FAF1: variants seen among roughly 807,000 people sequenced by gnomAD.
FAF1 encodes Fas associated factor 1.
FAF1 carries 25 observed loss-of-function variants against 92.5 expected under a neutral mutation model. That is an observed-to-expected ratio of 0.27 (90% CI 0.20 to 0.38). The LOEUF (loss-of-function observed/expected upper bound fraction) is 0.38, where lower values mean the gene tolerates loss of function less well. Among genes scored for constraint, FAF1 ranks in the 10% least tolerant of loss-of-function variants. The probability of loss-of-function intolerance (pLI) is 1.00; values close to 1 mark genes in which losing one functional copy is unlikely to be tolerated. For missense variants in FAF1, 636 were observed against 793.3 expected, an observed-to-expected ratio of 0.80 and a Z score of 2.38; for synonymous variants, 234 against 273.2, an observed-to-expected ratio of 0.86 and a Z score of 1.42.
chr1:50,803,217 A>C (rs895771190), intron 2 of FAF1, among the ~76,000 whole-genome samples: 1 of 152,196 alleles, frequency 6.6e-6, no homozygotes, highest in Admixed American at 6.5e-5. Flanking sequence ...TTTACTAAGT[A>C]ACAGTAAATG....
chr1:50,929,637 T>A (rs1163178636), intron 1 of FAF1, among the ~76,000 whole-genome samples: 1 of 152,172 alleles, frequency 6.6e-6, no homozygotes, highest in African/African-American at 2.4e-5. Context: ...CACACAAGAC[T>A]TTCAGGAAAT....
chr1:50,904,747 T>C (rs546237824), intron 1 of FAF1, among the ~76,000 whole-genome samples: 1 of 152,288 alleles, frequency 6.6e-6, no homozygotes, highest in East Asian at 1.9e-4. Context: ...TACATTTCAC[T>C]TTTCCGTATT....
chr1:50,440,138 C>G lies in FAF1; in HGVS notation c.*1302G>C, dbSNP rs945188744. The G allele has an allele frequency of 6.6e-6, 1 of 152,074 alleles. No homozygotes were observed. The highest frequency in any genetic ancestry group is 1.9e-4 in the East Asian group (1 of 5,194). The allele number at this position is 152,074 out of a possible 1,614,324, so 9.4% of individuals were successfully genotyped here. ...AGTACAAAATGTTAAAATCAGGATC[C>G]CAACCCCTAGGATAAAACCCACAGG... On this transcript the variant is annotated 3_prime_UTR_variant, in exon 19 of 19. Coordinates refer to ENST00000396153, the MANE Select transcript of FAF1 (RefSeq NM_007051.3).
At chr1:50,901,268 A>C (rs1486896633) in intron 1 of FAF1, among the ~76,000 whole-genome samples, 1 of 152,222 alleles carries the variant, frequency 6.6e-6, no homozygotes, top group African/African-American at 2.4e-5. Context: ...AGAGAAAAAG[A>C]CAGAACCCAG....
chr1:50,885,295 T>TTCTCTCTCTCTCTCTCTCTCTCTCTCTC (rs147647466), intron 1 of FAF1, among the ~76,000 whole-genome samples: 11 of 137,402 alleles, frequency 8.0e-5, no homozygotes, highest in African/African-American at 2.3e-4. Flanking sequence ...CCGTGTCTCT[T>TTCTCTCTCTCTCTCTCTCTCTCTCTCTC]TCTCTCTCTC....
chr1:50,645,760 G>A (rs1375643300), intron 8 of FAF1, among the ~76,000 whole-genome samples: 5 of 152,042 alleles, frequency 3.3e-5, no homozygotes, highest in Admixed American at 2.6e-4. Flanking sequence ...CCCAGGAGGC[G>A]GAGGTTGCGG....
chr1:50,700,607 T>C (rs1657426266), intron 7 of FAF1, among the ~76,000 whole-genome samples: 1 of 152,142 alleles, frequency 6.6e-6, no homozygotes, highest in African/African-American at 2.4e-5. Flanking sequence ...ATCTTATGTT[T>C]ATTAGTTTCT....
At chr1:50,825,739 A>C (rs1342862311) in intron 2 of FAF1, among the ~76,000 whole-genome samples, 4 of 152,156 alleles carry the variant, frequency 2.6e-5, no homozygotes, top group Non-Finnish European at 5.9e-5. Flanking sequence ...GTGTACAAAA[A>C]ACATTTACCA....
intron 6 of FAF1, 87 bp from the exon 7 acceptor site, chr1:50,705,978 C>T: frequency 1.4e-6 from 1 of 706,370 alleles, no homozygotes; most frequent in Non-Finnish European, 2.5e-6. Flanking sequence ...CCCAGGAGTA[C>T]CCTAACCTCC....
intron 1 of FAF1, among the ~76,000 whole-genome samples, chr1:50,890,216 A>G (rs1644707347): frequency 6.6e-6 from 1 of 152,116 alleles, no homozygotes; most frequent in African/African-American, 2.4e-5. Flanking sequence ...TTTGCTTGGT[A>G]GATCTTCCTC....
chr1:50,511,029 T>C (rs1377561272), intron 15 of FAF1, among the ~76,000 whole-genome samples: 2 of 152,328 alleles, frequency 1.3e-5, no homozygotes, highest in Non-Finnish European at 2.9e-5. Context: ...ATTTCTTGTC[T>C]TCCTAGATTA....
chr1:50,872,984 G>A (rs916767856), intron 1 of FAF1, among the ~76,000 whole-genome samples: 8 of 152,048 alleles, frequency 5.3e-5, no homozygotes, highest in African/African-American at 1.9e-4. Context: ...TGCAGCAAAT[G>A]TAATTGTTGT....
At chr1:50,879,170 G>A (rs1009880272) in intron 1 of FAF1, among the ~76,000 whole-genome samples, 4 of 152,134 alleles carry the variant, frequency 2.6e-5, no homozygotes, top group African/African-American at 4.8e-5. Flanking sequence ...TCTTGAACCC[G>A]GGAGGCGGAG....
At chr1:50,544,960 GAGTGAAGCAT>G (rs1648938642) in intron 13 of FAF1, among the ~76,000 whole-genome samples, 1 of 152,098 alleles carries the variant, frequency 6.6e-6, no homozygotes, top group African/African-American at 2.4e-5. Context: ...AGTTGGAGCA[GAGTGAAGCAT>G]AAAAGACAAA....
At chr1:50,762,415 C>T (rs112415808) in intron 4 of FAF1, among the ~76,000 whole-genome samples, 1 of 151,944 alleles carries the variant, frequency 6.6e-6, no homozygotes, top group Non-Finnish European at 1.5e-5. Context: ...AAGCTGGAGG[C>T]ATCACACTAC....
chr1:50,684,875 A>G (rs1656584763), intron 7 of FAF1, among the ~76,000 whole-genome samples: 1 of 152,228 alleles, frequency 6.6e-6, no homozygotes, highest in Non-Finnish European at 1.5e-5. Flanking sequence ...GAATATAAAC[A>G]TCAGTAAGAT....
intron 2 of FAF1, among the ~76,000 whole-genome samples, chr1:50,815,215 TC>T (rs1274804402): frequency 6.6e-6 from 1 of 152,172 alleles, no homozygotes; most frequent in Non-Finnish European, 1.5e-5. Flanking sequence ...AGGTACTTTT[TC>T]AACCCCTGTC....
chr1:50,815,068 T>A, intron 2 of FAF1, among the ~76,000 whole-genome samples: 1 of 152,238 alleles, frequency 6.6e-6, no homozygotes, highest in East Asian at 1.9e-4. Context: ...TAAAAAGATA[T>A]TTTAAAATTA....
At chr1:50,532,035 C>G (rs1035364455) in intron 15 of FAF1, among the ~76,000 whole-genome samples, 2 of 152,098 alleles carry the variant, frequency 1.3e-5, no homozygotes, top group African/African-American at 2.4e-5. Context: ...TTACAAGGGA[C>G]AGTGTTTCTT....
Sources: allele counts gnomAD v4.1 joint callset (sites outside exome capture counted in the v4.1 genomes callset), GRCh38; gene constraint gnomAD v4.1.1; transcripts MANE v1.5; gene names NCBI Gene and HGNC (gene_info 2026-07-23, HGNC 2026-07-21).